HNRNPM: variants seen among roughly 807,000 people sequenced by gnomAD.
HNRNPM encodes heterogeneous nuclear ribonucleoprotein M.
Under a neutral mutation model 73.1 loss-of-function variants are expected in HNRNPM, and 11 were observed. The ratio of observed to expected loss-of-function variants is 0.15; its 90% confidence interval spans 0.09 to 0.25. The LOEUF (loss-of-function observed/expected upper bound fraction) is 0.25. Among genes scored for constraint, HNRNPM ranks in the 10% least tolerant of loss-of-function variants. The pLI is 1.00. For synonymous variants in HNRNPM, 407 were observed against 355.2 expected (o/e 1.15, Z -1.64); for missense variants, 789 against 1,067.9 (o/e 0.74, Z 3.64).
At chr19:8,466,556 G>A (rs138755070) in intron 7 of HNRNPM, among the ~76,000 whole-genome samples, 168 bp downstream of exon 7, 3 of 152,190 alleles carry the variant, frequency 2.0e-5, no homozygotes, top group Non-Finnish European at 4.4e-5. Context: ...GACCGGTCAC[G>A]GTGGCTCACG....
At chr19:8,446,876 A>C (rs1968227382) in intron 1 of HNRNPM, among the ~76,000 whole-genome samples, 1 of 152,164 alleles carries the variant, frequency 6.6e-6, no homozygotes, top group Non-Finnish European at 1.5e-5. Flanking sequence ...TTTACTATTG[A>C]AAACTCTGGG....
In HNRNPM at chr19:8,488,610, G is replaced by A. The variant is rs186601619; in HGVS notation, c.2030-81G>A. ...TGAGCCTTTGTGCTCTAGGCTTCAGGGCCTCTCCTTTTTGACTCTGTCCAC... is the reference window on the plus strand; with the variant it reads ...TGAGCCTTTGTGCTCTAGGCTTCAGAGCCTCTCCTTTTTGACTCTGTCCAC... On this transcript the variant is annotated intron_variant, in intron 15 of 15. Coordinates refer to ENST00000325495, the MANE Select transcript of HNRNPM (RefSeq NM_005968.5). The A allele has an allele frequency of 4.6e-6, 6 of 1,309,688 alleles. No individual in the cohort carries two copies. The East Asian group carries it at 1.4e-4, about 31-fold the overall frequency. The allele number at this position is 1,309,688 out of a possible 1,614,324, so 81.1% of individuals were successfully genotyped here.
intron 5 of HNRNPM, 74 bp downstream of exon 5, chr19:8,463,760 G>C: frequency 2.9e-6 from 3 of 1,022,708 alleles, no homozygotes; most frequent in Non-Finnish European, 3.0e-6. Flanking sequence ...AGGGAAAGAC[G>C]GTCATGGTCC....
In HNRNPM at chr19:8,465,477, C is replaced by T; in HGVS notation, c.592C>T (p.Gln198Ter). ...NIPNEIIHAL[Q>*]AGRLGSTVFV... ...CCCAAATGAGATTATCCATGCATTA[C>T]AGGCTGGAAGACTTGGAAGCACAGT... Residue 198 changes from glutamine to a stop codon, truncating the protein, a stop_gained, in exon 6 of 16, where the codon CAG (glutamine) becomes TAG (stop). Coordinates refer to ENST00000325495, the MANE Select transcript of HNRNPM (RefSeq NM_005968.5). LOFTEE classifies it high-confidence loss of function. 1 of 1,613,028 alleles carries T rather than the reference C, an allele frequency of 6.2e-7. No individual in the cohort carries two copies. The highest frequency in any genetic ancestry group is 8.5e-7 in the Non-Finnish European group (1 of 1,179,376).
At chr19:8,465,285 TGG>T (rs745576345) in intron 5 of HNRNPM, 37 bp from the exon 6 acceptor site, 25 of 1,519,582 alleles carry the variant, frequency 1.6e-5, no homozygotes, top group Middle Eastern at 1.8e-4. Flanking sequence ...TGCGTTGTAC[TGG>T]GTCAGTTAAA....
At chr19:8,479,016 G>T (rs112955745) in intron 12 of HNRNPM, among the ~76,000 whole-genome samples, 1,851 of 148,624 alleles carry the variant, frequency 0.012, 46 homozygotes, top group African/African-American at 0.043. Context: ...CGTATGCAGA[G>T]AAATTATTTT....
intron 1 of HNRNPM, among the ~76,000 whole-genome samples, chr19:8,450,267 A>C (rs1215736339): frequency 1.3e-5 from 2 of 152,138 alleles, no homozygotes; most frequent in Non-Finnish European, 2.9e-5. Flanking sequence ...TGGGATTGCC[A>C]TTTCAAACTG....
chr19:8,477,027 T>C (rs1011586713), intron 12 of HNRNPM, among the ~76,000 whole-genome samples: 1 of 152,196 alleles, frequency 6.6e-6, no homozygotes, highest in African/African-American at 2.4e-5. Flanking sequence ...ATTCATAATG[T>C]GCTGCTGCTG....
In HNRNPM at chr19:8,468,932, G is replaced by A. The variant is rs10418958; in HGVS notation, c.895+98G>A. On this transcript the variant is annotated intron_variant, in intron 9 of 15. Transcript: ENST00000325495. ...TTTCACTTGAACCTGTGCCAGGTTA[G>A]CCCTCAGTTCTCTTGGCCAGTTCTT... The A allele has an allele frequency of 1.1e-3, 1,097 of 962,590 alleles. 6 individuals carry two copies. In the African/African-American group the frequency reaches 0.016, roughly 14 times the overall value. The allele number at this position is 962,590 out of a possible 1,614,324, so 59.6% of individuals were successfully genotyped here. A position where few individuals can be genotyped will look rare whatever the true frequency, so the allele number is the denominator to read the frequency against.
chr19:8,454,673 G>GC (rs58635160), intron 1 of HNRNPM, among the ~76,000 whole-genome samples: 38,761 of 102,678 alleles, frequency 0.38, 8,286 homozygotes, highest in South Asian at 0.49. Flanking sequence ...ATCATTTTAT[G>GC]CCCCCCCCCC....
chr19:8,448,406 T>G (rs1968362101), intron 1 of HNRNPM, among the ~76,000 whole-genome samples: 1 of 152,108 alleles, frequency 6.6e-6, no homozygotes, highest in African/African-American at 2.4e-5. Context: ...GTATAGGTTT[T>G]TAAAATTTTT....
chr19:8,467,578 C>G lies in HNRNPM; in HGVS notation c.828C>G (p.Val276=). ...TGCTATTTGATAGACCAATGCACGT[C>G]AAGATGGTAAGTCAGTAGGATCTTT... ...GQLLFDRPMH[V]KMDERALPKG... Residue 276 remains valine (V), a synonymous_variant, in exon 8 of 16, where the codon GTC becomes GTG. Coordinates refer to ENST00000325495, the MANE Select transcript of HNRNPM (RefSeq NM_005968.5). The G allele has an allele frequency of 3.7e-6, 6 of 1,608,842 alleles. No individual in the cohort carries two copies. The highest frequency in any genetic ancestry group is 5.1e-6 in the Non-Finnish European group (6 of 1,175,284).
At chr19:8,477,213 C>G (rs76038502) in intron 12 of HNRNPM, among the ~76,000 whole-genome samples, 5 of 151,970 alleles carry the variant, frequency 3.3e-5, no homozygotes, top group African/African-American at 1.2e-4. Context: ...TCAAGGACCT[C>G]GCAGCATGAA....
intron 1 of HNRNPM, among the ~76,000 whole-genome samples, chr19:8,450,169 G>A (rs981040501): frequency 6.6e-6 from 1 of 152,176 alleles, no homozygotes; most frequent in Non-Finnish European, 1.5e-5. Context: ...AGGGATTTCT[G>A]TGAAGAATCA....
intron 12 of HNRNPM, among the ~76,000 whole-genome samples, chr19:8,480,560 G>A (rs1198855028): frequency 6.6e-6 from 1 of 151,058 alleles, no homozygotes; most frequent in Non-Finnish European, 1.5e-5. Flanking sequence ...CAGCTATTCA[G>A]GTGGCTGAGG....
chr19:8,473,492 C>T (rs1463012587), intron 10 of HNRNPM, among the ~76,000 whole-genome samples, 172 bp from the exon 11 acceptor site: 1 of 151,496 alleles, frequency 6.6e-6, no homozygotes. Flanking sequence ...TGATATTTGA[C>T]AGTTGAAATG....
At chr19:8,446,436 G>GTCT (rs1283550170) in intron 1 of HNRNPM, among the ~76,000 whole-genome samples, 1 of 152,158 alleles carries the variant, frequency 6.6e-6, no homozygotes, top group Non-Finnish European at 1.5e-5. Context: ...TTGAGACAGG[G>GTCT]TCTCCCTCTG....
chr19:8,483,857 C>G (rs1971087348), intron 13 of HNRNPM, among the ~76,000 whole-genome samples: 1 of 152,200 alleles, frequency 6.6e-6, no homozygotes, highest in Non-Finnish European at 1.5e-5. Context: ...CCTCAACTTC[C>G]CAGGCCTAAG....
chr19:8,474,347 TCTG>T (rs2145709445), intron 12 of HNRNPM, 103 bp downstream of exon 12: 1 of 672,100 alleles, frequency 1.5e-6, no homozygotes, highest in Non-Finnish European at 2.4e-6. Flanking sequence ...GTTTCTCACT[TCTG>T]CTTTTCAACC....
Sources: allele counts gnomAD v4.1 joint callset (sites outside exome capture counted in the v4.1 genomes callset), GRCh38; gene constraint gnomAD v4.1.1; transcripts MANE v1.5; gene names NCBI Gene and HGNC (gene_info 2026-07-23, HGNC 2026-07-21).